KMT2C: variants seen among roughly 807,000 people sequenced by gnomAD.
KMT2C encodes lysine methyltransferase 2C, also known as histone-lysine N-methyltransferase 2C.
KMT2C carries 88 observed loss-of-function variants against 507.9 expected under a neutral mutation model. The observed-to-expected ratio is 0.17, with a 90% confidence interval of 0.15 to 0.21. The LOEUF (loss-of-function observed/expected upper bound fraction) is 0.21, where lower values mean the gene tolerates loss of function less well. Ranked by LOEUF, KMT2C falls within the 10% of genes least tolerant of loss-of-function variation. KMT2C has a pLI of 1.00. For synonymous variants in KMT2C, 2,049 were observed against 2,080.8 expected, an observed-to-expected ratio of 0.98 and a Z score of 0.42; for missense variants, 4,954 against 5,957.8, an observed-to-expected ratio of 0.83 and a Z score of 5.55.
chr7:152,316,724 T>G (rs1406204416), intron 3 of KMT2C, among the ~76,000 whole-genome samples: 1 of 152,148 alleles, frequency 6.6e-6, no homozygotes, highest in Non-Finnish European at 1.5e-5. Context: ...ATTACTTTTA[T>G]CAAAATTAGC....
intron 23 of KMT2C, among the ~76,000 whole-genome samples, chr7:152,209,977 C>T (rs1262788593): frequency 1.3e-5 from 2 of 152,148 alleles, no homozygotes; most frequent in Non-Finnish European, 2.9e-5. Flanking sequence ...TAGGTTTACA[C>T]ACTGAGAAGC....
rs1478758119 is a variant in KMT2C at position 152,162,210 on chromosome 7, A to G, written c.11367T>C (p.Leu3789=). The G allele has an allele frequency of 6.2e-7, 1 of 1,613,956 alleles. No homozygotes were observed. Among genetic ancestry groups the G allele is most frequent in the South Asian group, 1.1e-5 (1 of 91,062 alleles). ...TACTGCCCTCAGGTTTTTGATTCAA[A>G]AGAGAAGATGACTTTTTATTTTTCA... ...HLLKNKKSSS[L]LNQKPEGSIC... The change falls in exon 43 of 59, where the codon CTT becomes CTC. Residue 3789 remains leucine (L), a synonymous_variant. Coordinates refer to ENST00000262189, the MANE Select transcript of KMT2C (RefSeq NM_170606.3).
chr7:152,430,401 C>T (rs946683495), intron 1 of KMT2C, among the ~76,000 whole-genome samples: 60 of 152,206 alleles, frequency 3.9e-4, no homozygotes, highest in African/African-American at 1.4e-3. Flanking sequence ...CAAACTCACA[C>T]GCTGACTGTA....
Position 152,220,573 on chromosome 7 carries a change from G to A in KMT2C, c.3662C>T (p.Pro1221Leu). ...QNSVAVLQTPPDIQSEHSRDG... is the reference protein window; with the variant it reads ...QNSVAVLQTPLDIQSEHSRDG... ...CCTTGAATGCTCTGATTGGATGTCT[G>A]GAGGGGTCTGAAGGACGGCCACGCT... The change falls in exon 23 of 59, where the codon CCA becomes CTA. Residue 1221 changes from proline to leucine, a missense_variant. Physicochemically the swap from Pro to Leu is moderately conservative, Grantham distance 98. Transcript: ENST00000262189. The A allele has an allele frequency of 6.2e-7, 1 of 1,611,754 alleles. No individual in the cohort carries two copies. Among genetic ancestry groups the A allele is most frequent in the Non-Finnish European group, 8.5e-7 (1 of 1,179,662 alleles).
At position 152,138,998 on chromosome 7, in the gene KMT2C, A is replaced by C; in HGVS notation, c.14535-94T>G. 9.2e-7 allele frequency: 1 copy of C among 1,091,324 alleles called. No individual in the cohort carries two copies. The highest frequency in any genetic ancestry group is 1.4e-6 in the Non-Finnish European group (1 of 714,574). The allele number at this position is 1,091,324 out of a possible 1,614,324, so 67.6% of individuals were successfully genotyped here. On this transcript the variant is annotated intron_variant, in intron 57 of 58. Coordinates refer to ENST00000262189, the MANE Select transcript of KMT2C (RefSeq NM_170606.3). The surrounding 1 kb of genome is among the most constrained non-coding windows in gnomAD (Gnocchi z 4.2). ...ATTGATAAAGCAGTTTTTGCTAATT[A>C]AATTTCTATTTGCCCATTGTTAGAA... is the stretch of plus-strand genomic sequence containing the variant.
At chr7:152,281,379 G>T (rs1235581415) in intron 6 of KMT2C, among the ~76,000 whole-genome samples, 35 of 152,172 alleles carry the variant, frequency 2.3e-4, no homozygotes, top group Non-Finnish European at 4.4e-4. Context: ...TAATATGCAA[G>T]AATCAGTAAG....
chr7:152,377,401 T>A (rs9986944), intron 1 of KMT2C, among the ~76,000 whole-genome samples: 5 of 139,786 alleles, frequency 3.6e-5, no homozygotes, highest in Non-Finnish European at 8.1e-5. Context: ...GCAGCCCACG[T>A]ATCAATGAGT....
At chr7:152,384,074 G>A (rs1037026751) in intron 1 of KMT2C, among the ~76,000 whole-genome samples, 1 of 150,212 alleles carries the variant, frequency 6.7e-6, no homozygotes, top group Non-Finnish European at 1.5e-5. Context: ...GTAGGCGCGT[G>A]TGCATGTAGA....
Position 152,363,517 on chromosome 7 carries a change from T to C in KMT2C, c.162-4842A>G, listed in dbSNP as rs139144046. 3.4e-4 allele frequency among the ~76,000 whole-genome samples: 52 copies of C among 152,034 alleles called. 1 individual carries two copies. The East Asian group carries it at 8.5e-3, about 25-fold the overall frequency. On this transcript the variant is annotated intron_variant, in intron 1 of 58. Coordinates refer to ENST00000262189, the MANE Select transcript of KMT2C (RefSeq NM_170606.3). ...CCAAACAACTAGGAAACCAGACAAA[T>C]ATAAGAAACAACCTTATTATAAGAC... is the stretch of plus-strand genomic sequence containing the variant.
intron 1 of KMT2C, among the ~76,000 whole-genome samples, chr7:152,377,149 A>G (rs1408144456): frequency 4.6e-5 from 7 of 152,288 alleles, no homozygotes; most frequent in Admixed American, 1.3e-4. Flanking sequence ...GAATTATGCT[A>G]TATCTAATCT....
At chr7:152,422,868 A>G (rs2097786038) in intron 1 of KMT2C, among the ~76,000 whole-genome samples, 1 of 151,878 alleles carries the variant, frequency 6.6e-6, no homozygotes, top group Non-Finnish European at 1.5e-5. Context: ...ATAAAAATAC[A>G]AAAAATTAGC....
At chr7:152,271,351 C>T (rs558925458) in intron 7 of KMT2C, among the ~76,000 whole-genome samples, 1 of 152,138 alleles carries the variant, frequency 6.6e-6, no homozygotes, top group Admixed American at 6.6e-5. Context: ...TGGGTCAGAA[C>T]GCTGTGTAGT....
At chr7:152,287,797 T>C (rs967755057) in intron 6 of KMT2C, among the ~76,000 whole-genome samples, 1 of 151,124 alleles carries the variant, frequency 6.6e-6, no homozygotes, top group African/African-American at 2.4e-5. Context: ...GCAGAGGTGG[T>C]TGGATCACTT....
intron 7 of KMT2C, among the ~76,000 whole-genome samples, chr7:152,266,853 G>C (rs1335880514): frequency 6.6e-5 from 10 of 152,310 alleles, no homozygotes. Context: ...GACCTCTGAC[G>C]TACTTCATGA....
At chr7:152,174,318 A>G (rs767021723) in intron 38 of KMT2C, 76 bp from the exon 39 acceptor site, 14 of 699,608 alleles carry the variant, frequency 2.0e-5, no homozygotes, top group Non-Finnish European at 3.3e-5. Context: ...CAAATATTAC[A>G]AGCTCTTAAA....
chr7:152,391,166 A>AAAAAAAAAACAC (rs2097492733), intron 1 of KMT2C, among the ~76,000 whole-genome samples: 1 of 148,870 alleles, frequency 6.7e-6, no homozygotes, highest in Non-Finnish European at 1.5e-5. Flanking sequence ...AAAAAAAAAA[A>AAAAAAAAAACAC]AGCCTTAAAA....
chr7:152,268,062 T>C (rs76148198), intron 7 of KMT2C, among the ~76,000 whole-genome samples: 220 of 141,074 alleles, frequency 1.6e-3, no homozygotes, highest in Middle Eastern at 7.2e-3. Flanking sequence ...GATGGATCAC[T>C]TGAGGTCAGG....
intron 1 of KMT2C, among the ~76,000 whole-genome samples, chr7:152,384,205 TCATTCACTTGGATAAAA>T (rs2097400363): frequency 1.3e-5 from 2 of 152,180 alleles, no homozygotes; most frequent in Non-Finnish European, 2.9e-5. Flanking sequence ...GTTCCTTACA[TCATTCACTTGGATAAAA>T]CCTTTCAATG....
intron 6 of KMT2C, among the ~76,000 whole-genome samples, chr7:152,287,374 T>A (rs1412315035): frequency 1.3e-5 from 2 of 152,180 alleles, no homozygotes; most frequent in East Asian, 3.9e-4. Context: ...GAGTTTTCAC[T>A]CCTACTCAGC....
Sources: allele counts gnomAD v4.1 joint callset (sites outside exome capture counted in the v4.1 genomes callset), GRCh38; gene constraint gnomAD v4.1.1; non-coding constraint Gnocchi (gnomAD v3.1); transcripts MANE v1.5; gene names NCBI Gene and HGNC (gene_info 2026-07-23, HGNC 2026-07-21).